The following CEP112 variants were observed in gnomAD, a reference collection of about 807,000 sequenced individuals.
The protein encoded by CEP112 is centrosomal protein of 112 kDa.
Under a neutral mutation model 153.0 loss-of-function variants are expected in CEP112, and 127 were observed. The ratio of observed to expected loss-of-function variants is 0.83; its 90% CI spans 0.72 to 0.96. CEP112 has a LOEUF of 0.96. Among genes scored for constraint, CEP112 ranks in the 40% least tolerant of loss-of-function variants. The pLI is 0.00. For synonymous variants in CEP112, 358 were observed against 374.4 expected, an observed-to-expected ratio of 0.96 and a Z score of 0.51; for missense variants, 1,089 against 1,101.2, an observed-to-expected ratio of 0.99 and a Z score of 0.16.
intron 19 of CEP112, among the ~76,000 whole-genome samples, chr17:65,916,926 GA>G (rs567730976): frequency 6.7e-6 from 1 of 149,716 alleles, no homozygotes; most frequent in Middle Eastern, 3.4e-3. Flanking sequence ...CAGGCCAAAA[GA>G]AAAAAAAAGA....
intron 24 of CEP112, among the ~76,000 whole-genome samples, chr17:65,658,505 C>A (rs1410372294): frequency 2.0e-5 from 3 of 152,162 alleles, no homozygotes; most frequent in Non-Finnish European, 2.9e-5. Flanking sequence ...CCTGCAGAGA[C>A]AAGGCAATGG....
chr17:65,697,844 AG>A (rs1317111664), intron 23 of CEP112, among the ~76,000 whole-genome samples: 1 of 152,184 alleles, frequency 6.6e-6, no homozygotes, highest in Non-Finnish European at 1.5e-5. Context: ...CCATAAAAAA[AG>A]TTTTATTAGT....
At chr17:66,118,827 C>T (rs2069429823) in intron 6 of CEP112, among the ~76,000 whole-genome samples, 1 of 151,862 alleles carries the variant, frequency 6.6e-6, no homozygotes, top group Non-Finnish European at 1.5e-5. Context: ...ATCACATCCC[C>T]ATAAATATGA....
chr17:65,679,171 T>TTTTTTTTTTTC (rs1567852451), intron 24 of CEP112, among the ~76,000 whole-genome samples: 1 of 105,268 alleles, frequency 9.5e-6, no homozygotes, highest in Non-Finnish European at 1.8e-5. Context: ...TTTTTTTTTT[T>TTTTTTTTTTTC]CAGAAAACAG....
At chr17:65,651,721 T>C (rs906900792) in intron 24 of CEP112, among the ~76,000 whole-genome samples, 3 of 151,772 alleles carry the variant, frequency 2.0e-5, no homozygotes, top group African/African-American at 7.3e-5. Flanking sequence ...CTTTCTTTCT[T>C]GTCAAGTCTC....
intron 17 of CEP112, among the ~76,000 whole-genome samples, chr17:65,979,918 C>T (rs11867292): frequency 0.48 from 72,268 of 151,858 alleles, 18,235 homozygotes; most frequent in East Asian, 0.89. Context: ...TAGTTTCAAA[C>T]GCTATCACCA....
At chr17:65,844,875 A>T (rs2057667602) in intron 21 of CEP112, among the ~76,000 whole-genome samples, 3 of 151,566 alleles carry the variant, frequency 2.0e-5, no homozygotes, top group Non-Finnish European at 4.4e-5. Context: ...TTAGCCGGGC[A>T]TGGTGGCGCC....
intron 20 of CEP112, among the ~76,000 whole-genome samples, chr17:65,885,137 A>T (rs1181794136): frequency 6.6e-6 from 1 of 152,222 alleles, no homozygotes; most frequent in African/African-American, 2.4e-5. Context: ...CGATTTTTAT[A>T]TTCTGAGAAA....
intron 16 of CEP112, among the ~76,000 whole-genome samples, chr17:66,012,943 G>C (rs190150515): frequency 6.9e-6 from 1 of 145,746 alleles, no homozygotes; most frequent in Non-Finnish European, 1.5e-5. Context: ...CTTTATTTTT[G>C]TCTGACTGAG....
intron 8 of CEP112, among the ~76,000 whole-genome samples, chr17:66,093,161 T>C (rs1044183738): frequency 1.3e-5 from 2 of 152,080 alleles, no homozygotes; most frequent in Non-Finnish European, 2.9e-5. Flanking sequence ...TGGTGAAACC[T>C]TGTCTCTACC....
intron 24 of CEP112, among the ~76,000 whole-genome samples, chr17:65,676,214 G>C (rs929980721): frequency 1.3e-5 from 2 of 151,966 alleles, no homozygotes; most frequent in African/African-American, 4.8e-5. Context: ...GCATGTGCCA[G>C]CTACTTGGGA....
At chr17:65,788,173 T>C (rs933371753) in intron 21 of CEP112, among the ~76,000 whole-genome samples, 3 of 152,210 alleles carry the variant, frequency 2.0e-5, no homozygotes, top group Non-Finnish European at 4.4e-5. Flanking sequence ...TCACATGGTT[T>C]TTCTCCTTTC....
chr17:66,127,159 C>T (rs1000733313), intron 6 of CEP112, among the ~76,000 whole-genome samples: 6 of 152,134 alleles, frequency 3.9e-5, no homozygotes, highest in Admixed American at 2.0e-4. Flanking sequence ...TATTACCTCA[C>T]AATATCTTAA....
chr17:65,915,364 C>G (rs1394238051), intron 19 of CEP112, among the ~76,000 whole-genome samples: 2 of 151,522 alleles, frequency 1.3e-5, no homozygotes, highest in Non-Finnish European at 2.9e-5. Flanking sequence ...CCCCACCACT[C>G]CCACCCTAGT....
intron 23 of CEP112, among the ~76,000 whole-genome samples, chr17:65,691,450 A>T (rs189041289): frequency 6.6e-6 from 1 of 152,314 alleles, no homozygotes; most frequent in African/African-American, 2.4e-5. Flanking sequence ...ACATTCATAG[A>T]TTGCCTGAAG....
Position 65,886,589 on chromosome 17 carries a change from G to A in CEP112, c.2163+15563C>T, listed in dbSNP as rs974740102. Among the ~76,000 whole-genome samples the A allele has an allele frequency of 3.3e-5, 5 of 152,160 alleles. No individual in the cohort carries two copies. In the East Asian group the frequency reaches 5.8e-4, roughly 18 times the overall value. ...ATTGACATATTTATGCTAATTTTGT[G>A]GGACTGGCCCAATTCGGAATTACTA... On this transcript the variant is annotated intron_variant, in intron 20 of 26. Transcript: ENST00000535342.
At chr17:65,705,019 G>T (rs981957064) in intron 23 of CEP112, among the ~76,000 whole-genome samples, 1 of 152,172 alleles carries the variant, frequency 6.6e-6, no homozygotes, top group Non-Finnish European at 1.5e-5. Flanking sequence ...ACACGTGATG[G>T]TGTTTTTAGA....
Position 66,191,022 on chromosome 17 carries a change from C to A in CEP112, c.-9+975G>T, listed in dbSNP as rs1257732689. Among the ~76,000 whole-genome samples, 2 of 152,184 alleles carry A rather than the reference C, an allele frequency of 1.3e-5. No homozygotes were observed. The highest frequency in any genetic ancestry group is 4.8e-5 in the African/African-American group (2 of 41,440). On this transcript the variant is annotated intron_variant, in intron 1 of 26. Transcript: ENST00000535342. The surrounding 1 kb of genome is among the most constrained non-coding windows in gnomAD (Gnocchi z 4.2). ...AGGTGCACGTTTTCTCTGGCTTACA[C>A]GTGTGGATGTTTTGACAAGAGCCTT... is the stretch of plus-strand genomic sequence containing the variant.
intron 23 of CEP112, among the ~76,000 whole-genome samples, chr17:65,726,721 T>A (rs907712648): frequency 1.3e-5 from 2 of 152,186 alleles, no homozygotes; most frequent in Non-Finnish European, 2.9e-5. Flanking sequence ...TCAAAAGATA[T>A]AAAATAAAAA....
Sources: allele counts gnomAD v4.1 joint callset (sites outside exome capture counted in the v4.1 genomes callset), GRCh38; gene constraint gnomAD v4.1.1; non-coding constraint Gnocchi (gnomAD v3.1); transcripts MANE v1.5; gene names NCBI Gene and HGNC (gene_info 2026-07-23, HGNC 2026-07-21).